RNF40: variants seen among roughly 807,000 people sequenced by gnomAD.
RNF40 encodes the protein E3 ubiquitin-protein ligase BRE1B.
RNF40 carries 39 observed loss-of-function variants against 123.3 expected under a neutral mutation model. That is an observed-to-expected ratio of 0.32 (90% CI 0.24 to 0.41). RNF40 has a LOEUF of 0.41. RNF40 is among the 10% of genes least tolerant of loss of function. The pLI is 1.00. For synonymous variants in RNF40, 538 were observed against 526.0 expected (o/e 1.02, Z -0.31); for missense variants, 1,003 against 1,319.9 (o/e 0.76, Z 3.72).
In RNF40 at chr16:30,766,520, A is replaced by G. The variant is rs779478557; in HGVS notation, c.1255A>G (p.Thr419Ala). The G allele has an allele frequency of 5.6e-6, 9 of 1,612,834 alleles. No individual in the cohort carries two copies. The Admixed American group carries it at 6.7e-5, about 12-fold the overall frequency. The change falls in exon 10 of 20, where the codon ACA (threonine) becomes GCA (alanine). Residue 419 changes from threonine to alanine, a missense_variant. Thr to Ala is a moderately conservative substitution (Grantham distance 58). This residue lies in a region of RNF40 where 274 missense variants were observed against 356.9 expected (regional missense o/e 0.77). Transcript: ENST00000324685. This position sits in a 1 kb window ranked among gnomAD's most constrained non-coding sequence, Gnocchi z 5.4. ...CGAGGCTCGGGGCCTGCTGCTGGCC[A>G]CAAAGAACTCCCACCTGCGACACAT... ...LDEARGLLLATKNSHLRHIEH... is the reference protein window; with the variant it reads ...LDEARGLLLAAKNSHLRHIEH...
Position 30,768,355 on chromosome 16 carries a change from C to T in RNF40, c.1804C>T (p.Arg602Trp), listed in dbSNP as rs370636384. ...CCCTGGGGCCCAGGGCCCTTCCTCC[C>T]GGGGCCGAGAACCTGAGGCCAGGCC... is the stretch of plus-strand genomic sequence containing the variant. ...ITPGAQGPSS[R>W]GREPEARPKR... The change falls in exon 13 of 20, where the codon CGG becomes TGG. Residue 602 changes from arginine (R) to tryptophan (W), a missense_variant. Physicochemically the swap from Arg to Trp is moderately radical, Grantham distance 101. Around this residue, in one of 11 missense-constraint regions of RNF40, gnomAD observed 295 missense variants for 331.7 expected, o/e 0.89. Transcript: ENST00000324685. The surrounding 1 kb of genome is among the most constrained non-coding windows in gnomAD (Gnocchi z 4.1). The T allele has an allele frequency of 1.2e-5, 19 of 1,612,976 alleles. No homozygotes were observed. Among genetic ancestry groups the T allele is most frequent in the East Asian group, 2.2e-5 (1 of 44,854 alleles).
rs772902074 is a variant in RNF40, at chr16:30,766,277, C to T, written c.1108C>T (p.Leu370Phe). Reference sequence around the variant, plus strand: ...GGGGGCTGTGCGGACCAATGAGCGCCTCAAGGTGGGCTGCTGTAGGGGCTG... The same window carrying T: ...GGGGGCTGTGCGGACCAATGAGCGCTTCAAGGTGGGCTGCTGTAGGGGCTG... The part of the protein sequence containing the change: ...LQGAVRTNER[L>F]KVALRSLPEE... Residue 370 changes from leucine (L) to phenylalanine (F), a missense_variant, in exon 9 of 20, where the codon CTC (leucine) becomes TTC (phenylalanine). Physicochemically the swap from Leu to Phe is conservative, Grantham distance 22. Around this residue, in one of 11 missense-constraint regions of RNF40, gnomAD observed 274 missense variants for 356.9 expected, o/e 0.77. Coordinates refer to ENST00000324685, the MANE Select transcript of RNF40 (RefSeq NM_014771.4). This position sits in a 1 kb window ranked among gnomAD's most constrained non-coding sequence, Gnocchi z 5.4. 6.2e-6 allele frequency: 10 copies of T among 1,613,988 alleles called. No homozygotes were observed. The highest frequency in any genetic ancestry group is 8.5e-6 in the Non-Finnish European group (10 of 1,180,008).
At position 30,762,455 on chromosome 16, in the gene RNF40, C is replaced by T. The variant is rs1034544158; in HGVS notation, c.-71-20C>T. On this transcript the variant is annotated intron_variant, in intron 1 of 19. Coordinates refer to ENST00000324685, the MANE Select transcript of RNF40 (RefSeq NM_014771.4). ...TGGAACACCAGCCGTTCCCACATCT[C>T]TGCTCTGTGTCTTCTGCAGGTGACG... is the stretch of plus-strand genomic sequence containing the variant. 5.9e-6 allele frequency: 8 copies of T among 1,356,926 alleles called. No individual in the cohort carries two copies. The highest frequency in any genetic ancestry group is 5.9e-6 in the Non-Finnish European group (6 of 1,021,778). 84.1% of individuals were successfully genotyped at this position (1,356,926 alleles called of 1,614,324 possible).
At chr16:30,765,386 C>T in intron 7 of RNF40, 39 bp from the exon 8 acceptor site, 1 of 1,613,940 alleles carries the variant, frequency 6.2e-7, no homozygotes, top group Non-Finnish European at 8.5e-7. Context: ...CTTAGCTCCT[C>T]CCCTCTACAT....
chr16:30,772,615 G>A (rs1010058651), intron 19 of RNF40, among the ~76,000 whole-genome samples: 5 of 152,228 alleles, frequency 3.3e-5, no homozygotes, highest in Non-Finnish European at 5.9e-5. Flanking sequence ...GTGAGGAACG[G>A]GAGTGAGTAG....
chr16:30,769,711 C>G, intron 17 of RNF40, 111 bp downstream of exon 17: 1 of 1,198,068 alleles, frequency 8.3e-7, no homozygotes, highest in Middle Eastern at 2.9e-4. Flanking sequence ...CAGGCTGTCA[C>G]AGAACAGCTC....
In RNF40 at chr16:30,763,532, C is replaced by A. The variant is rs1273288661; in HGVS notation, c.415C>A (p.Pro139Thr). The change falls in exon 4 of 20, where the codon CCA becomes ACA. Residue 139 changes from proline to threonine, a missense_variant. Pro to Thr is a conservative substitution (Grantham distance 38). Around this residue, in one of 11 missense-constraint regions of RNF40, gnomAD observed 104 missense variants for 85.2 expected, o/e 1.22. Transcript: ENST00000324685. ...GCCAACATGTGATGGGACTCCTCTC[C>A]CAGAGCCGGGGACATCAGAGCTGAG... ...EGPTCDGTPL[P>T]EPGTSELRDP... 1.9e-6 allele frequency: 3 copies of A among 1,614,112 alleles called. No homozygotes were observed. The highest frequency in any genetic ancestry group is 3.3e-5 in the Admixed American group (2 of 60,024).
chr16:30,767,770 T>C lies in RNF40; in HGVS notation c.1430-124T>C, dbSNP rs575836035. 66 of 1,323,202 alleles carry C rather than the reference T, an allele frequency of 5.0e-5. 1 individual carries two copies. The East Asian group carries it at 6.0e-4, about 12-fold the overall frequency. 82.0% of individuals were successfully genotyped at this position (1,323,202 alleles called of 1,614,324 possible). A position where few individuals can be genotyped will look rare whatever the true frequency, so the allele number is the denominator to read the frequency against. ...TTTACTTTGATGAGTTCATGCTCCG[T>C]TGAGGCCGCAATGTTCCCCTCCTGC... On this transcript the variant is annotated intron_variant, in intron 11 of 19. Coordinates refer to ENST00000324685, the MANE Select transcript of RNF40 (RefSeq NM_014771.4).
chr16:30,771,627 AAAAC>A (rs149769608), intron 17 of RNF40, among the ~76,000 whole-genome samples: 10,172 of 151,196 alleles, frequency 0.067, 456 homozygotes, highest in Non-Finnish European at 0.11. Flanking sequence ...AAAAAAACAA[AAAAC>A]AAAGAAACCC....
At chr16:30,773,783 C>T in intron 19 of RNF40, 155 bp from the exon 20 acceptor site, 1 of 681,606 alleles carries the variant, frequency 1.5e-6, no homozygotes, top group Admixed American at 2.7e-5. Flanking sequence ...CCTCAGTTTG[C>T]TCATTCATAG....
chr16:30,768,260 C>T lies in RNF40; in HGVS notation c.1709C>T (p.Thr570Ile). ...NRKEMAPVPG[T>I]TTTTTSVKKE... The stretch of plus-strand genomic sequence containing the variant: ...AAGGAGATGGCTCCAGTGCCTGGCA[C>T]CACCACTACTACCACTTCAGTGAAG... Residue 570 changes from threonine (T) to isoleucine (I), a missense_variant, in exon 13 of 20, where the codon ACC becomes ATC. This residue lies in a region of RNF40 where 295 missense variants were observed against 331.7 expected (regional missense o/e 0.89). Transcript: ENST00000324685. The surrounding 1 kb of genome is among the most constrained non-coding windows in gnomAD (Gnocchi z 4.1). 3 of 1,613,956 alleles carry T rather than the reference C, an allele frequency of 1.9e-6. No homozygotes were observed. Among genetic ancestry groups the T allele is most frequent in the Non-Finnish European group, 2.5e-6 (3 of 1,180,030 alleles).
intron 4 of RNF40, among the ~76,000 whole-genome samples, chr16:30,763,888 G>C (rs1279332651): frequency 6.6e-6 from 1 of 152,152 alleles, no homozygotes; most frequent in Non-Finnish European, 1.5e-5. Flanking sequence ...AAAGTACTGG[G>C]GCTCCTGAAA....
intron 4 of RNF40, among the ~76,000 whole-genome samples, 169 bp downstream of exon 4, chr16:30,763,728 T>C (rs921442487): frequency 2.0e-5 from 3 of 152,276 alleles, no homozygotes; most frequent in Non-Finnish European, 4.4e-5. Flanking sequence ...CTTTAGACTC[T>C]GACTAACTTG....
intron 2 of RNF40, 104 bp from the exon 3 acceptor site, chr16:30,763,014 C>A: frequency 8.0e-7 from 1 of 1,251,620 alleles, no homozygotes; most frequent in South Asian, 1.3e-5. Flanking sequence ...GGGAATACCT[C>A]CATCTCCCAT....
In RNF40 at chr16:30,775,780, T is replaced by A. The variant is rs2054224192; in HGVS notation, c.*1666T>A. The A allele has an allele frequency of 6.6e-6, 1 of 152,298 alleles. No individual in the cohort carries two copies. Among genetic ancestry groups the A allele is most frequent in the Non-Finnish European group, 1.5e-5 (1 of 68,098 alleles). The allele number at this position is 152,298 out of a possible 1,614,324, so 9.4% of individuals were successfully genotyped here. A position where few individuals can be genotyped will look rare whatever the true frequency, so the allele number is the denominator to read the frequency against. On this transcript the variant is annotated 3_prime_UTR_variant, in exon 20 of 20. Coordinates refer to ENST00000324685, the MANE Select transcript of RNF40 (RefSeq NM_014771.4). ...TTGGTTCAGGCGCTGGCGACAGTGC[T>A]ATGGCCACGGCAGGGGCCGCGTGCG...
Position 30,762,532 on chromosome 16 carries a change from C to T in RNF40, c.-14C>T, listed in dbSNP as rs768237031. ...CCCCTCAGGGGACCCTGCATCGCTC[C>T]AGCCGCCGCGGCCATGTCTGGGCCA... On this transcript the variant is annotated 5_prime_UTR_variant, in exon 2 of 20. Coordinates refer to ENST00000324685, the MANE Select transcript of RNF40 (RefSeq NM_014771.4). 6 of 1,580,126 alleles carry T rather than the reference C, an allele frequency of 3.8e-6. No homozygotes were observed. The South Asian group carries it at 5.7e-5, about 15-fold the overall frequency.
chr16:30,768,835 T>C lies in RNF40; in HGVS notation c.2098-3T>C. 1 of 1,614,152 alleles carries C rather than the reference T, an allele frequency of 6.2e-7. No individual in the cohort carries two copies. Among genetic ancestry groups the C allele is most frequent in the South Asian group, 1.1e-5 (1 of 91,088 alleles). On this transcript the variant is annotated splice_region_variant and splice_polypyrimidine_tract_variant and intron_variant, in intron 14 of 19. Coordinates refer to ENST00000324685, the MANE Select transcript of RNF40 (RefSeq NM_014771.4). This position sits in a 1 kb window ranked among gnomAD's most constrained non-coding sequence, Gnocchi z 4.1. ...AGAGAGTTTCTTCTTCCCTGTGCTATAGGTTGATGAGCTGCGGAGCCGCAT... is the reference window on the plus strand; with the variant it reads ...AGAGAGTTTCTTCTTCCCTGTGCTACAGGTTGATGAGCTGCGGAGCCGCAT...
In RNF40 at chr16:30,768,819, C is replaced by A. The variant is rs574692910; in HGVS notation, c.2098-19C>A. 6.2e-7 allele frequency: 1 copy of A among 1,614,218 alleles called. No homozygotes were observed. Among genetic ancestry groups the A allele is most frequent in the Admixed American group, 1.7e-5 (1 of 60,034 alleles). On this transcript the variant is annotated intron_variant, in intron 14 of 19. Transcript: ENST00000324685. The surrounding 1 kb of genome is among the most constrained non-coding windows in gnomAD (Gnocchi z 4.1). Reference sequence around the variant, plus strand: ...GCAGGAAGCAGTGTCAAGAGAGTTTCTTCTTCCCTGTGCTATAGGTTGATG... The same window carrying A: ...GCAGGAAGCAGTGTCAAGAGAGTTTATTCTTCCCTGTGCTATAGGTTGATG...
rs779300903 is a variant in RNF40 at position 30,763,527 on chromosome 16, C to G, written c.410C>G (p.Pro137Arg). The change falls in exon 4 of 20, where the codon CCT becomes CGT. Residue 137 changes from proline (P) to arginine (R), a missense_variant. Physicochemically the swap from Pro to Arg is moderately radical, Grantham distance 103. Around this residue, in one of 11 missense-constraint regions of RNF40, gnomAD observed 104 missense variants for 85.2 expected, o/e 1.22. Transcript: ENST00000324685. ...GAGGGGCCAACATGTGATGGGACTC[C>G]TCTCCCAGAGCCGGGGACATCAGAG... ...TQEGPTCDGT[P>R]LPEPGTSELR... is the part of the protein sequence containing the mutation. 6.2e-7 allele frequency: 1 copy of G among 1,614,142 alleles called. No individual in the cohort carries two copies. The highest frequency in any genetic ancestry group is 1.7e-5 in the Admixed American group (1 of 60,032).
Sources: allele counts gnomAD v4.1 joint callset (sites outside exome capture counted in the v4.1 genomes callset), GRCh38; gene constraint gnomAD v4.1.1; regional missense constraint gnomAD v4.1.1; non-coding constraint Gnocchi (gnomAD v3.1); transcripts MANE v1.5; gene names NCBI Gene and HGNC (gene_info 2026-07-23, HGNC 2026-07-21).